CSPG4: variants seen among roughly 807,000 people sequenced by gnomAD.
The protein encoded by CSPG4 is chondroitin sulfate proteoglycan 4, also known as chondroitin sulfate proteoglycan 4 (melanoma-associated).
A neutral mutation model predicts 139.3 loss-of-function variants in CSPG4; 74 were observed. The observed-to-expected ratio is 0.53, with a 90% confidence interval of 0.44 to 0.64. The LOEUF is 0.64. Among genes scored for constraint, CSPG4 ranks in the 30% least tolerant of loss-of-function variants. The pLI is 0.00. For synonymous variants in CSPG4, 1,234 were observed against 1,394.2 expected (o/e 0.89, Z 2.56); for missense variants, 2,565 against 3,148.3 (o/e 0.81, Z 4.43).
chr15:75,676,509 G>A lies in CSPG4; in HGVS notation c.6010C>T (p.Gln2004Ter). The change falls in exon 10 of 10, where the codon CAG (glutamine) becomes TAG (stop). Residue 2004 changes from glutamine (Q) to a stop codon, truncating the protein, a stop_gained. Coordinates refer to ENST00000308508, the MANE Select transcript of CSPG4 (RefSeq NM_001897.5). LOFTEE classifies it high-confidence loss of function. Reference protein sequence around the residue: ...GRPTSAFSQFQIDQGEVVFAF... With the variant: ...GRPTSAFSQF ...AAGACCACCTCGCCCTGGTCTATCT[G>A]GAATTGGCTGAAGGCCGAGGTGGGC... 6.2e-7 allele frequency: 1 copy of A among 1,613,944 alleles called. No individual in the cohort carries two copies. Among genetic ancestry groups the A allele is most frequent in the Non-Finnish European group, 8.5e-7 (1 of 1,180,040 alleles).
chr15:75,707,845 G>A lies in CSPG4; in HGVS notation c.88+4823C>T, dbSNP rs573643297. 3.3e-5 allele frequency among the ~76,000 whole-genome samples: 5 copies of A among 152,252 alleles called. No homozygotes were observed. The East Asian group carries it at 9.6e-4, about 29-fold the overall frequency. Reference sequence around the variant, plus strand: ...GCTCAGTGATCTCTACACCCCTCTGGGGGCCAGGCTGTGAGCCCTACAATG... The same window carrying A: ...GCTCAGTGATCTCTACACCCCTCTGAGGGCCAGGCTGTGAGCCCTACAATG... On this transcript the variant is annotated intron_variant, in intron 1 of 9. Coordinates refer to ENST00000308508, the MANE Select transcript of CSPG4 (RefSeq NM_001897.5).
At chr15:75,706,285 G>C (rs528740552) in intron 1 of CSPG4, among the ~76,000 whole-genome samples, 9 of 152,220 alleles carry the variant, frequency 5.9e-5, no homozygotes, top group African/African-American at 2.2e-4. Context: ...CTGCCCTGGC[G>C]GGGGAACGAG....
Position 75,688,566 on chromosome 15 carries a change from G to A in CSPG4, c.2499C>T (p.Asn833=). 1 of 1,613,096 alleles carries A rather than the reference G, an allele frequency of 6.2e-7. No homozygotes were observed. Among genetic ancestry groups the A allele is most frequent in the Non-Finnish European group, 8.5e-7 (1 of 1,179,980 alleles). The stretch of plus-strand genomic sequence containing the variant: ...ACAGCCTTGTGCCCTGTAGTTGAAG[G>A]TTGCCTTTCCTGGGAGCCTGAACCA... ...YEVVQAPRKG[N]LQLQGTRLSD... The change falls in exon 3 of 10, where the codon AAC becomes AAT. Residue 833 remains asparagine, a synonymous_variant. Transcript: ENST00000308508.
chr15:75,690,154 G>A lies in CSPG4; in HGVS notation c.911C>T (p.Pro304Leu), dbSNP rs1341211270. 2 of 1,613,138 alleles carry A rather than the reference G, an allele frequency of 1.2e-6. No homozygotes were observed. The highest frequency in any genetic ancestry group is 1.7e-5 in the Admixed American group (1 of 60,012). Residue 304 changes from proline (P) to leucine (L), a missense_variant, in exon 3 of 10, where the codon CCT (proline) becomes CTT (leucine). Transcript: ENST00000308508. ...GACTCCTCGGTTCGAAGTATGCGTA[G>A]GGTACTGGTCCACGGAGATTTCCAG... is the stretch of plus-strand genomic sequence containing the variant. ...HRLEISVDQYPTHTSNRGVLS... is the reference protein window; with the variant it reads ...HRLEISVDQYLTHTSNRGVLS...
At position 75,696,937 on chromosome 15, in the gene CSPG4, TAGG is replaced by T. The variant is rs1470233587; in HGVS notation, c.89-3707_89-3705del. 6.6e-6 allele frequency among the ~76,000 whole-genome samples: 1 copy of T among 152,182 alleles called. No homozygotes were observed. Among genetic ancestry groups the T allele is most frequent in the African/African-American group, 2.4e-5 (1 of 41,454 alleles). On this transcript the variant is annotated intron_variant, in intron 1 of 9. Transcript: ENST00000308508. This position sits in a 1 kb window ranked among gnomAD's most constrained non-coding sequence, Gnocchi z 4.2. ...TCTCCGGGCTCCCCGGAGGCACTAC[TAGG>T]AGGAGTGTGGATGGGCCCCTGAGGC... is the stretch of plus-strand genomic sequence containing the variant.
intron 2 of CSPG4, among the ~76,000 whole-genome samples, chr15:75,692,431 C>T (rs577172192): frequency 2.6e-5 from 4 of 152,196 alleles, no homozygotes; most frequent in African/African-American, 4.8e-5. Flanking sequence ...GGCACAAATT[C>T]GGAATAAGAC....
chr15:75,696,034 T>C lies in CSPG4; in HGVS notation c.89-2801A>G, dbSNP rs1191067398. ...GCACAGGCTGGATCAGACCTGCCGT[T>C]GATTCTCCTGGGTCAAGAGGACCCA... On this transcript the variant is annotated intron_variant, in intron 1 of 9. Transcript: ENST00000308508. This position sits in a 1 kb window ranked among gnomAD's most constrained non-coding sequence, Gnocchi z 4.2. Among the ~76,000 whole-genome samples, 1 of 152,098 alleles carries C rather than the reference T, an allele frequency of 6.6e-6. No individual in the cohort carries two copies. The highest frequency in any genetic ancestry group is 1.5e-5 in the Non-Finnish European group (1 of 68,018).
At chr15:75,678,934 C>T (rs933333427) in intron 8 of CSPG4, 2 of 372,690 alleles carry the variant, frequency 5.4e-6, no homozygotes, top group African/African-American at 4.2e-5. Context: ...GCCACAGGCT[C>T]TGGGATACTT....
intron 1 of CSPG4, among the ~76,000 whole-genome samples, chr15:75,710,418 CTG>C (rs1243879810): frequency 1.3e-5 from 2 of 152,248 alleles, no homozygotes. Context: ...GTCACCCACA[CTG>C]TCTCAGTGGC....
rs1894070207 is a variant in CSPG4, at chr15:75,687,126, A to G, written c.3789+150T>C. ...CTCCCCAGAAACTCCTGGGAGCACA[A>G]CATATACGGGAGCACATCTGAGGCA... On this transcript the variant is annotated intron_variant, in intron 3 of 9. Transcript: ENST00000308508. This position sits in a 1 kb window ranked among gnomAD's most constrained non-coding sequence, Gnocchi z 5.4. 4.4e-6 allele frequency: 4 copies of G among 904,586 alleles called. No homozygotes were observed. Among genetic ancestry groups the G allele is most frequent in the Non-Finnish European group, 6.9e-6 (4 of 576,266 alleles). 56.0% of individuals were successfully genotyped at this position (904,586 alleles called of 1,614,324 possible).
At chr15:75,703,930 T>G (rs1894336354) in intron 1 of CSPG4, among the ~76,000 whole-genome samples, 7 of 69,950 alleles carry the variant, frequency 1.0e-4, no homozygotes, top group African/African-American at 3.3e-4. Flanking sequence ...CAAGATGGGG[T>G]GGTCTGGGTT....
chr15:75,710,616 T>C (rs1894436092), intron 1 of CSPG4, among the ~76,000 whole-genome samples: 1 of 152,168 alleles, frequency 6.6e-6, no homozygotes, highest in South Asian at 2.1e-4. Context: ...CCAGGCCCCC[T>C]GACCTGGATG....
intron 2 of CSPG4, among the ~76,000 whole-genome samples, chr15:75,692,354 G>C (rs1174971418): frequency 6.6e-6 from 1 of 152,142 alleles, no homozygotes; most frequent in African/African-American, 2.4e-5. Context: ...TCCTAGGCTC[G>C]AGTGATCTTC....
intron 1 of CSPG4, among the ~76,000 whole-genome samples, chr15:75,703,601 T>C (rs534717358): frequency 2.6e-5 from 4 of 152,110 alleles, no homozygotes; most frequent in Admixed American, 1.3e-4. Flanking sequence ...AGAGCCCAGA[T>C]TGACCTTGTC....
chr15:75,707,481 A>G (rs900588735), intron 1 of CSPG4, among the ~76,000 whole-genome samples: 1 of 152,224 alleles, frequency 6.6e-6, no homozygotes, highest in Admixed American at 6.5e-5. Context: ...AACATTTCAG[A>G]TAAGGGACAC....
At chr15:75,702,311 G>A (rs1014023429) in intron 1 of CSPG4, among the ~76,000 whole-genome samples, 1 of 152,266 alleles carries the variant, frequency 6.6e-6, no homozygotes, top group African/African-American at 2.4e-5. Context: ...GGCTGGGCCT[G>A]CTGCTGGGCC....
Position 75,675,135 on chromosome 15 carries a change from CCT to C in CSPG4, c.*413_*414del, listed in dbSNP as rs1893871287. 3.2e-6 allele frequency: 1 copy of C among 316,390 alleles called. No homozygotes were observed. The highest frequency in any genetic ancestry group is 5.7e-6 in the Non-Finnish European group (1 of 174,324). The allele number at this position is 316,390 out of a possible 1,614,324, so 19.6% of individuals were successfully genotyped here. A position where few individuals can be genotyped will look rare whatever the true frequency, so the allele number is the denominator to read the frequency against. ...GGAGTGGAAAAGCCAGGAATAGCTT[CCT>C]CTGTCCCTTCCCTCCCCAGGGTACT... On this transcript the variant is annotated 3_prime_UTR_variant, in exon 10 of 10. Coordinates refer to ENST00000308508, the MANE Select transcript of CSPG4 (RefSeq NM_001897.5).
At chr15:75,695,144 C>G (rs1894209670) in intron 1 of CSPG4, among the ~76,000 whole-genome samples, 1 of 152,184 alleles carries the variant, frequency 6.6e-6, no homozygotes, top group Non-Finnish European at 1.5e-5. Context: ...CATTGCTAAA[C>G]ATTTACCTAT....
At chr15:75,684,155 G>A (rs868583732) in intron 5 of CSPG4, among the ~76,000 whole-genome samples, 5 of 152,130 alleles carry the variant, frequency 3.3e-5, no homozygotes, top group Middle Eastern at 3.2e-3. Flanking sequence ...GCCCTGCCAT[G>A]TGGGCTTTGT....
Sources: gnomAD v4.1 joint callset for allele counts (sites outside exome capture counted in the v4.1 genomes callset) on GRCh38, gnomAD v4.1.1 for gene constraint, Gnocchi (gnomAD v3.1) non-coding constraint, MANE v1.5 for transcripts, NCBI Gene and HGNC (gene_info 2026-07-23, HGNC 2026-07-21) for gene names.